DPP10: variants seen among roughly 807,000 people sequenced by gnomAD.
DPP10 encodes the protein dipeptidyl peptidase like 10, also known as inactive dipeptidyl peptidase 10.
DPP10 carries 33 observed loss-of-function variants against 120.9 expected under a neutral mutation model. The observed-to-expected ratio is 0.27, with a 90% CI of 0.21 to 0.37. The LOEUF is 0.37. Among genes scored for constraint, DPP10 ranks in the 10% least tolerant of loss-of-function variants. The pLI is 1.00. For synonymous variants in DPP10, 337 were observed against 326.1 expected (o/e 1.03, Z -0.36); for missense variants, 816 against 942.8 (o/e 0.87, Z 1.76).
chr2:114,924,022 C>A (rs1312013458), intron 1 of DPP10, among the ~76,000 whole-genome samples: 1 of 152,098 alleles, frequency 6.6e-6, no homozygotes, highest in Non-Finnish European at 1.5e-5. Flanking sequence ...CTGGGCCCAG[C>A]TTGATTCTTA....
chr2:115,472,998 A>G (rs1172618879), intron 3 of DPP10, among the ~76,000 whole-genome samples: 1 of 152,200 alleles, frequency 6.6e-6, no homozygotes, highest in Non-Finnish European at 1.5e-5. Context: ...GAATATGCCA[A>G]GTTTCCACTT....
chr2:115,511,549 T>C (rs2077224220), intron 4 of DPP10, among the ~76,000 whole-genome samples: 1 of 151,868 alleles, frequency 6.6e-6, no homozygotes, highest in South Asian at 2.1e-4. Flanking sequence ...ATTGTTTTTT[T>C]AGCCTAGATG....
intron 1 of DPP10, among the ~76,000 whole-genome samples, chr2:114,748,928 AT>A (rs1396557449): frequency 2.4e-5 from 3 of 126,002 alleles, no homozygotes; most frequent in Non-Finnish European, 4.9e-5. Context: ...CAGTAATGGG[AT>A]GGCTGCGTCA....
intron 1 of DPP10, among the ~76,000 whole-genome samples, chr2:114,572,871 C>T (rs1444070591): frequency 6.6e-6 from 1 of 152,326 alleles, no homozygotes; most frequent in East Asian, 1.9e-4. Flanking sequence ...AAAGCCTGTG[C>T]TCTTTCTACT....
intron 1 of DPP10, among the ~76,000 whole-genome samples, chr2:115,133,375 C>T (rs2050483322): frequency 6.6e-6 from 1 of 151,194 alleles, no homozygotes; most frequent in Admixed American, 6.6e-5. Flanking sequence ...AAATTTAAGA[C>T]CAAGGAACTG....
intron 1 of DPP10, among the ~76,000 whole-genome samples, chr2:114,519,587 G>T (rs918501112): frequency 6.6e-6 from 1 of 152,218 alleles, no homozygotes; most frequent in African/African-American, 2.4e-5. Flanking sequence ...TTCTGCAGCT[G>T]AGTCCCCAAG....
intron 1 of DPP10, among the ~76,000 whole-genome samples, chr2:115,163,048 G>A (rs1179575474): frequency 6.6e-6 from 1 of 152,148 alleles, no homozygotes; most frequent in East Asian, 1.9e-4. Flanking sequence ...CGGGACCCAA[G>A]CGCTGGGGTA....
chr2:114,540,209 A>G (rs144758666), intron 1 of DPP10, among the ~76,000 whole-genome samples: 18 of 152,342 alleles, frequency 1.2e-4, no homozygotes, highest in African/African-American at 3.8e-4. Context: ...AATGTGGACC[A>G]GTACTTAAGA....
chr2:114,989,431 G>A (rs188660282), intron 1 of DPP10, among the ~76,000 whole-genome samples: 2 of 152,302 alleles, frequency 1.3e-5, no homozygotes, highest in African/African-American at 4.8e-5. Context: ...GGGGAACAGA[G>A]GTACCAAGAA....
At chr2:114,568,078 T>C (rs1336124971) in intron 1 of DPP10, among the ~76,000 whole-genome samples, 6 of 148,598 alleles carry the variant, frequency 4.0e-5, no homozygotes, top group African/African-American at 1.2e-4. Flanking sequence ...GTGTCCAAAA[T>C]TGGGTAACTG....
intron 5 of DPP10, among the ~76,000 whole-genome samples, chr2:115,530,092 A>G (rs1307455168): frequency 6.6e-6 from 1 of 152,088 alleles, no homozygotes; most frequent in Non-Finnish European, 1.5e-5. Flanking sequence ...AAGATACTTT[A>G]TGACAAAATA....
At chr2:115,769,088 C>T (rs1681147572) in intron 13 of DPP10, among the ~76,000 whole-genome samples, 1 of 151,790 alleles carries the variant, frequency 6.6e-6, no homozygotes, top group African/African-American at 2.4e-5. Flanking sequence ...GTTATTGAGT[C>T]AATCTGAATT....
intron 24 of DPP10, among the ~76,000 whole-genome samples, chr2:115,838,021 G>C (rs1465981953): frequency 1.8e-4 from 27 of 152,056 alleles, no homozygotes; most frequent in Non-Finnish European, 1.5e-5. Context: ...TTTAGTTAGT[G>C]GTAGTATATG....
chr2:115,587,722 A>T (rs1003434200), intron 5 of DPP10, among the ~76,000 whole-genome samples: 1 of 152,234 alleles, frequency 6.6e-6, no homozygotes, highest in Admixed American at 6.5e-5. Context: ...CATAGAAAAG[A>T]ATGAAATCCT....
At chr2:114,832,629 G>A (rs1687243089) in intron 1 of DPP10, among the ~76,000 whole-genome samples, 1 of 152,138 alleles carries the variant, frequency 6.6e-6, no homozygotes, top group Non-Finnish European at 1.5e-5. Flanking sequence ...AAAATAGTAA[G>A]AGCCTTCAAA....
intron 7 of DPP10, among the ~76,000 whole-genome samples, chr2:115,723,622 GT>G (rs11399436): frequency 0.012 from 1,674 of 142,912 alleles, 26 homozygotes; most frequent in African/African-American, 0.042. Context: ...GTTGTTTTTT[GT>G]TTTTTTTTTT....
intron 5 of DPP10, among the ~76,000 whole-genome samples, chr2:115,678,540 G>A (rs1379350100): frequency 1.3e-5 from 2 of 152,118 alleles, no homozygotes; most frequent in Non-Finnish European, 2.9e-5. Flanking sequence ...ACACCTGGAT[G>A]TCCAGCAGAA....
chr2:114,928,958 C>A (rs1048872219), intron 1 of DPP10, among the ~76,000 whole-genome samples: 2 of 152,108 alleles, frequency 1.3e-5, no homozygotes, highest in Non-Finnish European at 2.9e-5. Flanking sequence ...AATATTTCAA[C>A]GTAGGTTCTT....
Position 115,837,899 on chromosome 2 carries a change from T to A in DPP10, c.2182+1153T>A, listed in dbSNP as rs1240896166. ...ACCAGAGGAAGTTTAAAAGACATGA[T>A]GTCTAAATATAATGTGGGATTCTGA... On this transcript the variant is annotated intron_variant, in intron 24 of 25. Coordinates refer to ENST00000410059, the MANE Select transcript of DPP10 (RefSeq NM_020868.6). 4.7e-5 allele frequency among the ~76,000 whole-genome samples: 7 copies of A among 149,300 alleles called. No individual in the cohort carries two copies. In the East Asian group the frequency reaches 1.4e-3, roughly 29 times the overall value.
Sources: gnomAD v4.1 joint callset for allele counts (sites outside exome capture counted in the v4.1 genomes callset) on GRCh38, gnomAD v4.1.1 for gene constraint, MANE v1.5 for transcripts, NCBI Gene and HGNC (gene_info 2026-07-23, HGNC 2026-07-21) for gene names.